The following SPTAN1 variants were observed in gnomAD, a reference collection of about 807,000 sequenced individuals.
SPTAN1 encodes spectrin alpha chain, non-erythrocytic 1.
In SPTAN1, 61 loss-of-function variants were observed where a neutral mutation model predicts 331.3. The ratio of observed to expected loss-of-function variants is 0.18; its 90% CI spans 0.15 to 0.23. SPTAN1 has a LOEUF of 0.23. Ranked by LOEUF, SPTAN1 falls within the 10% of genes least tolerant of loss-of-function variation. The probability of loss-of-function intolerance (pLI) is 1.00; values close to 1 mark genes in which losing one functional copy is unlikely to be tolerated. For synonymous variants in SPTAN1, 1,153 were observed against 1,173.9 expected (o/e 0.98, Z 0.36); for missense variants, 2,043 against 3,147.9 (o/e 0.65, Z 8.40).
chr9:128,629,810 TC>T lies in SPTAN1; in HGVS notation c.6708-509del. The T allele has an allele frequency of 3.7e-6, 1 of 272,316 alleles. No individual in the cohort carries two copies. The highest frequency in any genetic ancestry group is 7.3e-6 in the Non-Finnish European group (1 of 136,912). 16.9% of individuals were successfully genotyped at this position (272,316 alleles called of 1,614,324 possible). On this transcript the variant is annotated intron_variant, in intron 51 of 56. Transcript: ENST00000372739. The surrounding 1 kb of genome is among the most constrained non-coding windows in gnomAD (Gnocchi z 4.9). ...GTGATCTCCCAGCACTCCACTTGTG[TC>T]CTTTGTCTGCAGGGTCGTGCTCTCA... is the stretch of plus-strand genomic sequence containing the variant.
At chr9:128,617,498 G>C (rs566387921) in intron 41 of SPTAN1, 142 bp from the exon 42 acceptor site, 3 of 1,205,648 alleles carry the variant, frequency 2.5e-6, no homozygotes, top group East Asian at 2.5e-5. Context: ...GGGAAGTAGA[G>C]GCTTTTGTTG....
intron 20 of SPTAN1, among the ~76,000 whole-genome samples, chr9:128,588,586 C>A (rs994318624): frequency 3.3e-5 from 5 of 152,050 alleles, no homozygotes; most frequent in African/African-American, 9.7e-5. Flanking sequence ...GCTGAGATTA[C>A]ACGTATGAGC....
chr9:128,572,434 A>G (rs147591945), intron 3 of SPTAN1, among the ~76,000 whole-genome samples: 22 of 151,640 alleles, frequency 1.5e-4, no homozygotes, highest in Middle Eastern at 3.4e-3. Flanking sequence ...CACATCAGCA[A>G]TGGGACAATG....
At position 128,581,056 on chromosome 9, in the gene SPTAN1, G is replaced by A. The variant is rs753753168; in HGVS notation, c.1458G>A (p.Gln486=). 1.2e-6 allele frequency: 2 copies of A among 1,614,054 alleles called. No homozygotes were observed. The highest frequency in any genetic ancestry group is 1.1e-5 in the South Asian group (1 of 91,090). The change falls in exon 11 of 57, where the codon CAG becomes CAA. Residue 486 remains glutamine, a synonymous_variant. Coordinates refer to ENST00000372739, the MANE Select transcript of SPTAN1 (RefSeq NM_001130438.3). ...TEQVDNWMSK[Q]EAFLLNEDLG... is the part of the protein sequence containing the mutation. ...AGGTGGACAACTGGATGAGCAAGCA[G>A]GAGGTAATCTGTGAGCAAAGCCTTG...
intron 24 of SPTAN1, chr9:128,595,836 G>GT (rs1457272859): frequency 6.6e-6 from 1 of 151,948 alleles, no homozygotes; most frequent in Non-Finnish European, 1.5e-5. Context: ...TTTTGTTTAG[G>GT]TTTTCTTTCT....
Position 128,632,497 on chromosome 9 carries a change from T to C in SPTAN1, c.7013+13T>C, listed in dbSNP as rs1478123343. The C allele has an allele frequency of 5.0e-6, 8 of 1,614,202 alleles. No homozygotes were observed. The Middle Eastern group carries it at 6.6e-4, about 133-fold the overall frequency. Reference sequence around the variant, plus strand: ...GCATGATGTTTAAGTGAGTTCAGCCTTACTCGCCCTGGCTGGGTGGGGGGT... The same window carrying C: ...GCATGATGTTTAAGTGAGTTCAGCCCTACTCGCCCTGGCTGGGTGGGGGGT... On this transcript the variant is annotated intron_variant, in intron 54 of 56. Transcript: ENST00000372739.
At chr9:128,593,689 A>G (rs1020676508) in intron 23 of SPTAN1, 2 of 210,828 alleles carry the variant, frequency 9.5e-6, no homozygotes, top group South Asian at 8.8e-5. Flanking sequence ...TCCTACTAAT[A>G]TGGAGATAAA....
chr9:128,579,779 C>T (rs750267810), intron 10 of SPTAN1, 41 bp downstream of exon 10: 1 of 1,463,074 alleles, frequency 6.8e-7, no homozygotes, highest in South Asian at 1.2e-5. Flanking sequence ...GCAAATTACA[C>T]CTTTCACTAA....
chr9:128,579,858 T>C, intron 10 of SPTAN1, 120 bp downstream of exon 10: 2 of 853,124 alleles, frequency 2.3e-6, no homozygotes, highest in Admixed American at 2.0e-5. Flanking sequence ...TGAGAAACTT[T>C]CCTTTCTCTG....
At position 128,607,625 on chromosome 9, in the gene SPTAN1, T is replaced by C. The variant is rs1244001880; in HGVS notation, c.4068T>C (p.Asn1356=). The C allele has an allele frequency of 6.2e-7, 1 of 1,614,098 alleles. No homozygotes were observed. The highest frequency in any genetic ancestry group is 8.5e-7 in the Non-Finnish European group (1 of 1,179,990). ...CCAGGGACCTCATGTCTTGGATCAA[T>C]GGAATACGGGGGTTGGTGTCCTCAG... ...SDFRDLMSWI[N]GIRGLVSSDE... Residue 1356 remains asparagine, a synonymous_variant, in exon 32 of 57, where the codon AAT becomes AAC. Transcript: ENST00000372739.
intron 29 of SPTAN1, 43 bp from the exon 30 acceptor site, chr9:128,604,991 G>A: frequency 6.2e-7 from 1 of 1,612,616 alleles, no homozygotes; most frequent in South Asian, 1.1e-5. Context: ...AATCAAGGCA[G>A]TTGTACTTGG....
intron 44 of SPTAN1, among the ~76,000 whole-genome samples, chr9:128,619,809 C>T (rs994641679): frequency 6.6e-6 from 1 of 152,222 alleles, no homozygotes; most frequent in Non-Finnish European, 1.5e-5. Flanking sequence ...TAACAACCCG[C>T]CTAAATGTAG....
At chr9:128,570,318 ATATATATATATATTTTTTTT>A (rs1850507427) in intron 3 of SPTAN1, among the ~76,000 whole-genome samples, 1 of 33,746 alleles carries the variant, frequency 3.0e-5, no homozygotes, top group Admixed American at 4.0e-4. Flanking sequence ...ATATATATAT[ATATATATATATATTTTTTTT>A]TTTTTTTTTT....
Position 128,568,845 on chromosome 9 carries a change from A to G in SPTAN1, c.311A>G (p.Glu104Gly). Residue 104 changes from glutamate (E) to glycine (G), a missense_variant, in exon 3 of 57, where the codon GAA becomes GGA. Physicochemically the swap from Glu to Gly is moderately conservative, Grantham distance 98 (BLOSUM62 -2). Transcript: ENST00000372739. Reference protein sequence around the residue: ...ANSGAIVKLDETGNLMISEGH... With the variant: ...ANSGAIVKLDGTGNLMISEGH... ...TCAGGAGCCATTGTTAAGCTGGATGAAACTGGAAACCTGATGATCTCAGAA... is the reference window on the plus strand; with the variant it reads ...TCAGGAGCCATTGTTAAGCTGGATGGAACTGGAAACCTGATGATCTCAGAA... The G allele has an allele frequency of 6.2e-7, 1 of 1,614,188 alleles. No homozygotes were observed. Among genetic ancestry groups the G allele is most frequent in the Non-Finnish European group, 8.5e-7 (1 of 1,180,014 alleles).
intron 37 of SPTAN1, 39 bp downstream of exon 37, chr9:128,609,704 G>C (rs1054660496): frequency 1.4e-6 from 2 of 1,409,626 alleles, no homozygotes; most frequent in Non-Finnish European, 1.9e-6. Context: ...AGTTAAATGA[G>C]CTCCAGTATT....
chr9:128,563,750 G>A (rs990630522), intron 1 of SPTAN1, among the ~76,000 whole-genome samples: 3 of 133,596 alleles, frequency 2.2e-5, no homozygotes, highest in African/African-American at 8.5e-5. Context: ...GGGTCTCATT[G>A]TGTCACCCAG....
At chr9:128,584,696 A>T in intron 17 of SPTAN1, 25 bp from the exon 18 acceptor site, 1 of 1,614,246 alleles carries the variant, frequency 6.2e-7, no homozygotes. Context: ...TGGTTGGATA[A>T]CTGGGGACTG....
intron 3 of SPTAN1, among the ~76,000 whole-genome samples, chr9:128,570,148 T>G (rs2130880043): frequency 6.6e-6 from 1 of 151,898 alleles, no homozygotes; most frequent in South Asian, 2.1e-4. Flanking sequence ...CCAGAGTGAA[T>G]GAGGCACCTC....
At chr9:128,605,730 G>A (rs770771886) in intron 31 of SPTAN1, among the ~76,000 whole-genome samples, 3 of 152,142 alleles carry the variant, frequency 2.0e-5, no homozygotes, top group Non-Finnish European at 4.4e-5. Context: ...AGTGGCTCAC[G>A]TCTATAACCC....
Sources: gnomAD v4.1 joint callset for allele counts (sites outside exome capture counted in the v4.1 genomes callset) on GRCh38, gnomAD v4.1.1 for gene constraint, Gnocchi (gnomAD v3.1) non-coding constraint, MANE v1.5 for transcripts, NCBI Gene and HGNC (gene_info 2026-07-23, HGNC 2026-07-21) for gene names.